NTRK3: variants seen among roughly 807,000 people sequenced by gnomAD.
NTRK3 encodes neurotrophic receptor tyrosine kinase 3.
In NTRK3, 24 loss-of-function variants were observed where a neutral mutation model predicts 91.7. The observed-to-expected ratio is 0.26, with a 90% confidence interval of 0.19 to 0.37. The LOEUF is 0.37. Among genes scored for constraint, NTRK3 ranks in the 10% least tolerant of loss-of-function variants. NTRK3 has a pLI of 1.00. For missense variants in NTRK3, 880 were observed against 1,068.9 expected (o/e 0.82, Z 2.46); for synonymous variants, 483 against 404.0 (o/e 1.20, Z -2.34).
At chr15:88,225,250 G>A (rs1479782568) in intron 3 of NTRK3, among the ~76,000 whole-genome samples, 1 of 152,196 alleles carries the variant, frequency 6.6e-6, no homozygotes, top group African/African-American at 2.4e-5. Context: ...TCCAATGCAG[G>A]TCGGGGTTTT....
chr15:87,984,564 T>G (rs1195095272), intron 14 of NTRK3, among the ~76,000 whole-genome samples: 1 of 152,250 alleles, frequency 6.6e-6, no homozygotes, highest in Non-Finnish European at 1.5e-5. Flanking sequence ...CTATGCTGCT[T>G]TAAACTTTCA....
chr15:87,941,172 C>A (rs1036307311), intron 14 of NTRK3, among the ~76,000 whole-genome samples: 1 of 152,144 alleles, frequency 6.6e-6, no homozygotes, highest in East Asian at 1.9e-4. Context: ...TTCTAACAAA[C>A]TCCCAGGTCA....
At chr15:88,023,806 A>G (rs2077791104) in intron 14 of NTRK3, among the ~76,000 whole-genome samples, 1 of 152,192 alleles carries the variant, frequency 6.6e-6, no homozygotes, top group Admixed American at 6.5e-5. Flanking sequence ...AGGCAAGTCC[A>G]TCCCGGACTT....
chr15:88,103,263 C>G (rs373708847), intron 13 of NTRK3, among the ~76,000 whole-genome samples: 5 of 152,194 alleles, frequency 3.3e-5, no homozygotes, highest in African/African-American at 1.2e-4. Flanking sequence ...TGGGCCTCAT[C>G]CAATCACTTG....
At chr15:88,060,746 C>T (rs1208316884) in intron 13 of NTRK3, among the ~76,000 whole-genome samples, 3 of 152,108 alleles carry the variant, frequency 2.0e-5, no homozygotes, top group African/African-American at 4.8e-5. Flanking sequence ...GAAGTGGAAG[C>T]AAGAAGCCCC....
chr15:88,085,638 G>T (rs1301546545), intron 13 of NTRK3, among the ~76,000 whole-genome samples: 3 of 151,450 alleles, frequency 2.0e-5, no homozygotes, highest in Non-Finnish European at 4.4e-5. Context: ...GGGGTGGTTT[G>T]TTACCCAGCA....
chr15:88,146,009 G>T (rs1597588974), intron 6 of NTRK3, among the ~76,000 whole-genome samples: 1 of 152,186 alleles, frequency 6.6e-6, no homozygotes, highest in East Asian at 1.9e-4. Flanking sequence ...AAGCATCTCA[G>T]TGTCCTCCAA....
intron 13 of NTRK3, among the ~76,000 whole-genome samples, chr15:88,038,598 G>A (rs776766453): frequency 2.0e-5 from 3 of 152,190 alleles, no homozygotes; most frequent in African/African-American, 4.8e-5. Context: ...ACTCTGCGGA[G>A]GATGCTGATC....
At chr15:87,919,602 T>C (rs533102596) in intron 17 of NTRK3, among the ~76,000 whole-genome samples, 6 of 152,156 alleles carry the variant, frequency 3.9e-5, no homozygotes, top group African/African-American at 1.4e-4. Flanking sequence ...GGTATAGGAG[T>C]GCAAAGATGA....
intron 14 of NTRK3, among the ~76,000 whole-genome samples, chr15:87,959,805 C>G (rs1329509358): frequency 1.3e-5 from 2 of 152,186 alleles, no homozygotes; most frequent in African/African-American, 4.8e-5. Flanking sequence ...CTCTGTGACT[C>G]TCTTCATGGG....
At chr15:88,186,847 G>T (rs1425475351) in intron 3 of NTRK3, among the ~76,000 whole-genome samples, 3 of 152,086 alleles carry the variant, frequency 2.0e-5, no homozygotes, top group Admixed American at 6.5e-5. Flanking sequence ...GTCGACTCCT[G>T]CCCTAGGAGC....
chr15:88,074,805 C>T lies in NTRK3; in HGVS notation c.1397-41760G>A, dbSNP rs117338391. ...ATTGACAGACCTAGTCAGAAAGCAA[C>T]GCCGGTCCTTAAATCGTGCTATCTT... On this transcript the variant is annotated intron_variant, in intron 13 of 18. Transcript: ENST00000394480. Among the ~76,000 whole-genome samples the T allele has an allele frequency of 3.8e-3, 583 of 152,272 alleles. 4 individuals carry two copies. The highest frequency in any genetic ancestry group is 4.1e-3 in the Non-Finnish European group (277 of 68,024).
At chr15:88,066,404 GT>G (rs1245525924) in intron 13 of NTRK3, among the ~76,000 whole-genome samples, 1 of 152,184 alleles carries the variant, frequency 6.6e-6, no homozygotes, top group Non-Finnish European at 1.5e-5. Flanking sequence ...CTACTCAGTT[GT>G]TTCAATAAAG....
intron 13 of NTRK3, among the ~76,000 whole-genome samples, chr15:88,038,172 C>T (rs980459330): frequency 6.6e-6 from 1 of 152,194 alleles, no homozygotes. Flanking sequence ...GGGAGTGAGT[C>T]ACCTCATTAG....
chr15:88,166,764 A>G (rs2045001124), intron 5 of NTRK3, among the ~76,000 whole-genome samples: 1 of 152,228 alleles, frequency 6.6e-6, no homozygotes, highest in African/African-American at 2.4e-5. Context: ...AGATATGAAT[A>G]AATCTCTTCA....
chr15:88,028,779 C>T (rs2078269333), intron 14 of NTRK3, among the ~76,000 whole-genome samples: 1 of 152,104 alleles, frequency 6.6e-6, no homozygotes, highest in South Asian at 2.1e-4. Flanking sequence ...TTTTCTCAAC[C>T]AAGAGTATGG....
intron 17 of NTRK3, among the ~76,000 whole-genome samples, chr15:87,922,613 G>C (rs535463067): frequency 2.6e-5 from 4 of 152,272 alleles, no homozygotes; most frequent in South Asian, 2.1e-4. Flanking sequence ...TATAATTTTA[G>C]GAAGTCTTAG....
In NTRK3 at chr15:88,050,548, C is replaced by G. The variant is rs569274719; in HGVS notation, c.1397-17503G>C. 4.6e-4 allele frequency among the ~76,000 whole-genome samples: 70 copies of G among 151,438 alleles called. 1 individual carries two copies. The highest frequency in any genetic ancestry group is 8.0e-4 in the Non-Finnish European group (54 of 67,820). On this transcript the variant is annotated intron_variant, in intron 13 of 18. Transcript: ENST00000394480. ...GTGTGTGTTTGTATAGAAAGCATAG[C>G]TGAGTAGTATACACACACTCACACA...
chr15:87,909,810 A>G (rs2066982245), intron 17 of NTRK3, among the ~76,000 whole-genome samples: 1 of 152,176 alleles, frequency 6.6e-6, no homozygotes, highest in Non-Finnish European at 1.5e-5. Context: ...AACCACACAG[A>G]CGGATGACCA....
Sources: allele counts gnomAD v4.1 joint callset (sites outside exome capture counted in the v4.1 genomes callset), GRCh38; gene constraint gnomAD v4.1.1; transcripts MANE v1.5; gene names NCBI Gene and HGNC (gene_info 2026-07-23, HGNC 2026-07-21).